ZNF425: variants seen among roughly 807,000 people sequenced by gnomAD.
ZNF425 encodes zinc finger protein 425.
A neutral mutation model predicts 17.0 loss-of-function variants in ZNF425; 21 were observed. The ratio of observed to expected loss-of-function variants is 1.23; its 90% CI spans 0.88 to 1.78. The LOEUF (loss-of-function observed/expected upper bound fraction) is 1.78. Ranked by LOEUF, ZNF425 falls within the 40% of genes most tolerant of loss-of-function variation. ZNF425 has a pLI of 0.00. For missense variants in ZNF425, 868 were observed against 967.3 expected, an observed-to-expected ratio of 0.90 and a Z score of 1.36; for synonymous variants, 433 against 384.1, an observed-to-expected ratio of 1.13 and a Z score of -1.49.
intron 2 of ZNF425, among the ~76,000 whole-genome samples, chr7:149,117,642 CTTTTTTTT>C (rs869026303): frequency 3.1e-4 from 17 of 54,986 alleles, no homozygotes; most frequent in African/African-American, 6.9e-4. Flanking sequence ...CTTAGTAATT[CTTTTTTTT>C]TTTTTTTTTT....
rs765698904 is a variant in ZNF425, at chr7:149,104,122, C to T, written c.1749G>A (p.Ala583=). ...QRMHRDEKPF[A]CGECDKTYTH... Reference sequence around the variant, plus strand: ...TGTAGGTCTTGTCACACTCACCGCACGCGAAGGGCTTCTCGTCCCTGTGCA... The same window carrying T: ...TGTAGGTCTTGTCACACTCACCGCATGCGAAGGGCTTCTCGTCCCTGTGCA... Residue 583 remains alanine, a synonymous_variant, in exon 4 of 4, where the codon GCG becomes GCA. Coordinates refer to ENST00000378061, the MANE Select transcript of ZNF425 (RefSeq NM_001001661.3). The surrounding 1 kb of genome is among the most constrained non-coding windows in gnomAD (Gnocchi z 4.3). 22 of 1,612,188 alleles carry T rather than the reference C, an allele frequency of 1.4e-5. No homozygotes were observed. Among genetic ancestry groups the T allele is most frequent in the African/African-American group, 5.4e-5 (4 of 74,666 alleles).
In ZNF425 at chr7:149,103,696, A is replaced by C; in HGVS notation, c.2175T>G (p.Asp725Glu). The C allele has an allele frequency of 6.2e-7, 1 of 1,614,182 alleles. No individual in the cohort carries two copies. Among genetic ancestry groups the C allele is most frequent in the Non-Finnish European group, 8.5e-7 (1 of 1,180,032 alleles). The change falls in exon 4 of 4, where the codon GAT becomes GAG. Residue 725 changes from aspartate to glutamate, a missense_variant. Physicochemically the swap from Asp to Glu is conservative, Grantham distance 45. Around this residue, in one of 5 missense-constraint regions of ZNF425, gnomAD observed 437 missense variants for 444.2 expected, o/e 0.98. Transcript: ENST00000378061. ...LHSGERPFSC[D>E]ECGRSFTYVG... ...CGTACGTGAAGCTCCTTCCACACTC[A>C]TCACAAGAAAAAGGCCTCTCCCCAC...
At chr7:149,108,064 G>T (rs748498576) in intron 3 of ZNF425, among the ~76,000 whole-genome samples, 20 of 151,646 alleles carry the variant, frequency 1.3e-4, no homozygotes, top group Non-Finnish European at 2.4e-4. Flanking sequence ...TAGAGATGGG[G>T]TCTTGTTATG....
intron 2 of ZNF425, among the ~76,000 whole-genome samples, chr7:149,114,645 C>G (rs937097876): frequency 1.3e-5 from 2 of 151,876 alleles, no homozygotes; most frequent in Non-Finnish European, 2.9e-5. Context: ...GATCCACTCA[C>G]CTTGGCTTCC....
chr7:149,113,468 T>A (rs1490812971), intron 2 of ZNF425: 1 of 152,482 alleles, frequency 6.6e-6, no homozygotes, highest in African/African-American at 2.4e-5. Flanking sequence ...ACCCAGAACT[T>A]TGGGAGACTG....
intron 2 of ZNF425, among the ~76,000 whole-genome samples, chr7:149,115,241 C>A (rs369194390): frequency 1.3e-5 from 2 of 151,492 alleles, no homozygotes; most frequent in African/African-American, 4.8e-5. Flanking sequence ...TGAGCCCCCA[C>A]GCCTGGTGAA....
At position 149,103,968 on chromosome 7, in the gene ZNF425, GGCCACTGT is replaced by G; in HGVS notation, c.1895_1902del (p.His632ProfsTer38). 1 of 1,614,012 alleles carries G rather than the reference GGCCACTGT, an allele frequency of 6.2e-7. No individual in the cohort carries two copies. Among genetic ancestry groups the G allele is most frequent in the Non-Finnish European group, 8.5e-7 (1 of 1,180,012 alleles). Reference sequence around the variant, plus strand: ...CACATCACACAAGAGAATGGCTTTTGGCCACTGTGCTGCAGCAGGTGGCTTTTCAGGTT... The same window carrying G: ...CACATCACACAAGAGAATGGCTTTTGGCTGCAGCAGGTGGCTTTTCAGGTT... On this transcript the variant is annotated frameshift_variant, in exon 4 of 4. Coordinates refer to ENST00000378061, the MANE Select transcript of ZNF425 (RefSeq NM_001001661.3). LOFTEE classifies it low-confidence loss of function (END_TRUNC).
chr7:149,105,414 T>A lies in ZNF425; in HGVS notation c.457A>T (p.Ile153Phe), dbSNP rs755234262. 4 of 1,572,190 alleles carry A rather than the reference T, an allele frequency of 2.5e-6. No individual in the cohort carries two copies. The East Asian group carries it at 9.0e-5, about 35-fold the overall frequency. Residue 153 changes from isoleucine to phenylalanine, a missense_variant, in exon 4 of 4, where the codon ATT (isoleucine) becomes TTT (phenylalanine). Physicochemically the swap from Ile to Phe is conservative, Grantham distance 21. This residue lies in a region of ZNF425 where 179 missense variants were observed against 216.3 expected (regional missense o/e 0.83). Coordinates refer to ENST00000378061, the MANE Select transcript of ZNF425 (RefSeq NM_001001661.3). ...FQSPSLRETE[I>F]LNKKVSITAY... ...GTGATGCTGACTTTTTTATTTAGAA[T>A]CTCTGTTTCTCGGAGACTTGGAGAC...
rs1826002514 is a variant in ZNF425 at position 149,102,978 on chromosome 7, T to C, written c.*634A>G. 1 of 152,194 alleles carries C rather than the reference T, an allele frequency of 6.6e-6. No homozygotes were observed. Among genetic ancestry groups the C allele is most frequent in the Non-Finnish European group, 1.5e-5 (1 of 68,034 alleles). 9.4% of individuals were successfully genotyped at this position (152,194 alleles called of 1,614,324 possible). A position where few individuals can be genotyped will look rare whatever the true frequency, so the allele number is the denominator to read the frequency against. ...AGGAATATGTTCCTGGCTGTAACAT[T>C]TCTTCACTCAGGCTGTAGTTTCTGA... On this transcript the variant is annotated 3_prime_UTR_variant, in exon 4 of 4. Coordinates refer to ENST00000378061, the MANE Select transcript of ZNF425 (RefSeq NM_001001661.3).
chr7:149,118,168 C>G, intron 2 of ZNF425, 54 bp downstream of exon 2: 2 of 1,609,522 alleles, frequency 1.2e-6, no homozygotes, highest in South Asian at 1.1e-5. Flanking sequence ...GGGAAGGAAG[C>G]CTGGTACTAT....
intron 1 of ZNF425, among the ~76,000 whole-genome samples, chr7:149,119,823 A>G (rs1008230616): frequency 1.1e-4 from 16 of 152,198 alleles, no homozygotes; most frequent in Admixed American, 9.8e-4. Context: ...ATTTTTTAAA[A>G]TCCAGCATAA....
At chr7:149,112,096 GAAAAT>G (rs1826185552) in intron 3 of ZNF425, 36 bp downstream of exon 3, 3 of 1,585,522 alleles carry the variant, frequency 1.9e-6, no homozygotes, top group Non-Finnish European at 2.6e-6. Context: ...ACAAGGCTAG[GAAAAT>G]AAAATAATTC....
At chr7:149,125,970 G>T in intron 1 of ZNF425, 1 of 883,394 alleles carries the variant, frequency 1.1e-6, no homozygotes, top group Non-Finnish European at 1.7e-6. Flanking sequence ...CCACAGACGC[G>T]CGCGGCCAAG....
intron 3 of ZNF425, among the ~76,000 whole-genome samples, chr7:149,107,400 C>T (rs528737752): frequency 2.4e-4 from 37 of 151,280 alleles, no homozygotes; most frequent in South Asian, 8.3e-4. Flanking sequence ...TGCAGTAGCG[C>T]GATCTCTGCT....
At chr7:149,121,401 T>C (rs79123058) in intron 1 of ZNF425, among the ~76,000 whole-genome samples, 54 of 33,250 alleles carry the variant, frequency 1.6e-3, no homozygotes, top group Non-Finnish European at 4.4e-3. Context: ...GGCCTTTTTT[T>C]TTTTTTTTGA....
intron 3 of ZNF425, 128 bp from the exon 4 acceptor site, chr7:149,105,694 A>G: frequency 1.7e-6 from 1 of 572,558 alleles, no homozygotes; most frequent in Non-Finnish European, 2.4e-6. Context: ...TCTGTTGTCC[A>G]GGCTGGATTG....
intron 1 of ZNF425, 92 bp downstream of exon 1, chr7:149,126,104 G>A (rs778034784): frequency 2.5e-6 from 4 of 1,595,238 alleles, no homozygotes; most frequent in South Asian, 1.1e-5. Context: ...CCCAGGCCCC[G>A]GCCGCCCCAC....
chr7:149,119,910 G>T (rs778834539), intron 1 of ZNF425, among the ~76,000 whole-genome samples: 1 of 152,008 alleles, frequency 6.6e-6, no homozygotes, highest in Non-Finnish European at 1.5e-5. Flanking sequence ...AGATGTGCAC[G>T]GGGTATATGT....
intron 3 of ZNF425, among the ~76,000 whole-genome samples, chr7:149,106,793 A>T (rs1826087655): frequency 6.6e-6 from 1 of 152,172 alleles, no homozygotes; most frequent in African/African-American, 2.4e-5. Context: ...ATACCATTAC[A>T]TCTATGAAAT....
Sources: allele counts gnomAD v4.1 joint callset (sites outside exome capture counted in the v4.1 genomes callset), GRCh38; gene constraint gnomAD v4.1.1; regional missense constraint gnomAD v4.1.1; non-coding constraint Gnocchi (gnomAD v3.1); transcripts MANE v1.5; gene names NCBI Gene and HGNC (gene_info 2026-07-23, HGNC 2026-07-21).